ANKRD36: variants seen among roughly 807,000 people sequenced by gnomAD.
The protein encoded by ANKRD36 is ankyrin repeat domain 36.
Under a neutral mutation model 278.1 loss-of-function variants are expected in ANKRD36, and 179 were observed. That is an observed-to-expected ratio of 0.64 (90% confidence interval 0.57 to 0.73). The LOEUF (loss-of-function observed/expected upper bound fraction) is 0.73, where lower values mean the gene tolerates loss of function less well. Ranked by LOEUF, ANKRD36 falls within the 30% of genes least tolerant of loss-of-function variation. ANKRD36 has a pLI of 0.00. For missense variants in ANKRD36, 1,159 were observed against 1,956.7 expected, an observed-to-expected ratio of 0.59 and a Z score of 7.69; for synonymous variants, 320 against 641.1, an observed-to-expected ratio of 0.50 and a Z score of 7.57.
At chr2:97,199,413 G>C (rs1377340129) in intron 44 of ANKRD36, among the ~76,000 whole-genome samples, 7 of 151,852 alleles carry the variant, frequency 4.6e-5, no homozygotes, top group Admixed American at 1.3e-4. Flanking sequence ...TGTTCAAGGA[G>C]CTACCTGTTG....
intron 30 of ANKRD36, 64 bp from the exon 31 acceptor site, chr2:97,187,134 A>T (rs1003580531): frequency 5.0e-6 from 8 of 1,601,688 alleles, no homozygotes; most frequent in Admixed American, 1.7e-5. Flanking sequence ...CTAACACCGC[A>T]TGAATGTATG....
chr2:97,192,751 C>T (rs955475381), intron 36 of ANKRD36, 107 bp from the exon 37 acceptor site: 39 of 1,421,302 alleles, frequency 2.7e-5, no homozygotes, highest in African/African-American at 8.5e-5. Flanking sequence ...TCAAAGCCTA[C>T]GCTAATACAG....
chr2:97,198,551 TATTA>T (rs1558694495), intron 43 of ANKRD36, 31 bp from the exon 44 acceptor site: 1 of 1,554,346 alleles, frequency 6.4e-7, no homozygotes, highest in Non-Finnish European at 8.7e-7. Context: ...AAACATACTT[TATTA>T]ATTTATTATT....
Position 97,192,809 on chromosome 2 carries a change from C to G in ANKRD36, c.2348-49C>G, listed in dbSNP as rs754525036. On this transcript the variant is annotated intron_variant, in intron 36 of 75. Transcript: ENST00000420699. ...AAACACTTCATGAATGTATGGATAA[C>G]TTTGTCATAGTTACATATGAGTGAT... is the stretch of plus-strand genomic sequence containing the variant. The G allele has an allele frequency of 1.1e-5, 17 of 1,569,876 alleles. 1 individual carries two copies. The highest frequency in any genetic ancestry group is 5.6e-5 in the South Asian group (5 of 89,708).
intron 5 of ANKRD36, among the ~76,000 whole-genome samples, chr2:97,125,627 T>C (rs536814478): frequency 7.3e-5 from 11 of 151,294 alleles, no homozygotes; most frequent in Non-Finnish European, 1.5e-5. Context: ...CGTAAGAGCT[T>C]TTCTCAGGTA....
chr2:97,172,540 T>G (rs2052893393), intron 22 of ANKRD36, among the ~76,000 whole-genome samples: 1 of 151,884 alleles, frequency 6.6e-6, no homozygotes, highest in African/African-American at 2.4e-5. Flanking sequence ...ATGGCTGTGT[T>G]GATTGCACCT....
chr2:97,196,477 C>T lies in ANKRD36; in HGVS notation c.2552-116C>T. 4 of 1,544,790 alleles carry T rather than the reference C, an allele frequency of 2.6e-6. No individual in the cohort carries two copies. The South Asian group carries it at 3.6e-5, about 14-fold the overall frequency. On this transcript the variant is annotated intron_variant, in intron 40 of 75. Coordinates refer to ENST00000420699, the MANE Select transcript of ANKRD36 (RefSeq NM_001354587.1). ...TCCCCAGACACAAAGTAGAAGCCAT[C>T]AAAGCCTATGCTAATACAGGCAGGA... is the stretch of plus-strand genomic sequence containing the variant.
intron 8 of ANKRD36, among the ~76,000 whole-genome samples, chr2:97,144,050 G>T (rs1457127300): frequency 6.6e-6 from 1 of 152,168 alleles, no homozygotes. Flanking sequence ...AAGTGCCATT[G>T]TCCTTGTGTA....
intron 38 of ANKRD36, 71 bp downstream of exon 38, chr2:97,193,124 C>T (rs1338810881): frequency 4.2e-5 from 58 of 1,366,390 alleles, no homozygotes; most frequent in Middle Eastern, 2.5e-4. Context: ...CTGAATAAAT[C>T]AGCGGGGGGC....
intron 67 of ANKRD36, among the ~76,000 whole-genome samples, chr2:97,227,864 A>G (rs1296697969): frequency 6.6e-6 from 1 of 152,130 alleles, no homozygotes; most frequent in African/African-American, 2.4e-5. Flanking sequence ...GAATTTTGTC[A>G]AAGGCCTTTT....
intron 58 of ANKRD36, among the ~76,000 whole-genome samples, chr2:97,212,118 A>G (rs1283447258): frequency 6.6e-6 from 1 of 151,894 alleles, no homozygotes; most frequent in Non-Finnish European, 1.5e-5. Context: ...ACAGAGGGAA[A>G]AGTGATCCTA....
intron 28 of ANKRD36, among the ~76,000 whole-genome samples, chr2:97,184,461 T>A (rs184105352): frequency 6.6e-6 from 1 of 151,878 alleles, no homozygotes; most frequent in East Asian, 1.9e-4. Context: ...AATACAATGA[T>A]ATTCCAGAGT....
In ANKRD36 at chr2:97,118,440, T is replaced by C. The variant is rs199751708; in HGVS notation, c.409T>C (p.Tyr137His). The C allele has an allele frequency of 1.5e-3, 2,482 of 1,606,804 alleles. 81 individuals are homozygous for C. The highest frequency in any genetic ancestry group is 3.9e-3 in the Admixed American group (235 of 59,582). The change falls in exon 3 of 76, where the codon TAC (tyrosine) becomes CAC (histidine). Residue 137 changes from tyrosine to histidine, a missense_variant. Tyr to His is a moderately conservative substitution (Grantham distance 83). Transcript: ENST00000420699. ...TTTCTTTGGAAGGACTGCTCTGCAC[T>C]ACGCTGTGTATAATGAAGATACATC... ...TDFFGRTALHYAVYNEDTSMI... is the reference protein window; with the variant it reads ...TDFFGRTALHHAVYNEDTSMI...
At chr2:97,136,997 C>T (rs2041689958) in intron 6 of ANKRD36, among the ~76,000 whole-genome samples, 1 of 151,984 alleles carries the variant, frequency 6.6e-6, no homozygotes. Context: ...TCATTAGTTG[C>T]CTACAAATAG....
chr2:97,191,018 C>A lies in ANKRD36; in HGVS notation c.2274+12C>A, dbSNP rs572313726. On this transcript the variant is annotated intron_variant, in intron 35 of 75. Coordinates refer to ENST00000420699, the MANE Select transcript of ANKRD36 (RefSeq NM_001354587.1). ...AACCAGCCTTGAAGGTAATTAAACT[C>A]TCATTTATATTGTGAACTAGTAAAT... The A allele has an allele frequency of 1.2e-6, 2 of 1,604,978 alleles. No homozygotes were observed. The highest frequency in any genetic ancestry group is 2.7e-5 in the African/African-American group (2 of 74,638).
chr2:97,122,815 T>C, intron 3 of ANKRD36, 72 bp from the exon 4 acceptor site: 1 of 1,387,482 alleles, frequency 7.2e-7, no homozygotes, highest in Non-Finnish European at 9.7e-7. Context: ...AGGATCTTAC[T>C]TACATAAGGT....
intron 68 of ANKRD36, among the ~76,000 whole-genome samples, chr2:97,235,460 C>T (rs2073413864): frequency 7.0e-6 from 1 of 142,416 alleles, no homozygotes; most frequent in Admixed American, 7.3e-5. Context: ...GTAAGTCAAA[C>T]CACCTTAAGT....
At chr2:97,169,577 A>G (rs1249911419) in intron 22 of ANKRD36, among the ~76,000 whole-genome samples, 1 of 152,228 alleles carries the variant, frequency 6.6e-6, no homozygotes, top group Non-Finnish European at 1.5e-5. Flanking sequence ...GATAAGCAAC[A>G]TCAGCAAAGT....
At chr2:97,133,299 T>C (rs1354975062) in intron 6 of ANKRD36, among the ~76,000 whole-genome samples, 1 of 152,008 alleles carries the variant, frequency 6.6e-6, no homozygotes, top group African/African-American at 2.4e-5. Context: ...TGCAACTTAA[T>C]ATGAAATACT....
Sources: gnomAD v4.1 joint callset for allele counts (sites outside exome capture counted in the v4.1 genomes callset) on GRCh38, gnomAD v4.1.1 for gene constraint, MANE v1.5 for transcripts, NCBI Gene and HGNC (gene_info 2026-07-23, HGNC 2026-07-21) for gene names.